P2RY10: variants seen among roughly 807,000 people sequenced by gnomAD.
The protein encoded by P2RY10 is putative P2Y purinoceptor 10.
A neutral mutation model predicts 12.1 loss-of-function variants in P2RY10; 4 were observed. That is an observed-to-expected ratio of 0.33 (90% CI 0.16 to 0.76). The LOEUF (loss-of-function observed/expected upper bound fraction) is 0.76, where lower values mean the gene tolerates loss of function less well. Among genes scored for constraint, P2RY10 ranks in the 30% least tolerant of loss-of-function variants. The pLI, the probability that P2RY10 is intolerant of heterozygous loss-of-function variation, is 0.61. For synonymous variants in P2RY10, 112 were observed against 94.1 expected, an observed-to-expected ratio of 1.19 and a Z score of -1.10; for missense variants, 233 against 264.6, an observed-to-expected ratio of 0.88 and a Z score of 0.83.
intron 2 of P2RY10, 32 bp downstream of exon 2, chrX:78,947,895 A>C: frequency 1.8e-6 from 1 of 547,355 alleles, no homozygotes; most frequent in Non-Finnish European, 2.2e-6. Flanking sequence ...AAAATGAGAA[A>C]ATGCAAGACA....
chrX:78,957,246 G>A (rs1922374333), intron 3 of P2RY10, among the ~76,000 whole-genome samples: 1 of 108,815 alleles, frequency 9.2e-6, no homozygotes, highest in African/African-American at 3.4e-5. Context: ...TATGAGACAG[G>A]AACCAAGAAT....
At chrX:78,945,812 T>TAA (rs1921806352) in intron 1 of P2RY10, among the ~76,000 whole-genome samples, 2 of 111,973 alleles carry the variant, frequency 1.8e-5, no homozygotes, top group Non-Finnish European at 3.8e-5. Context: ...AAGAGTATAT[T>TAA]CAGTGAGACT....
chrX:78,960,422 C>T, intron 3 of P2RY10, 86 bp from the exon 4 acceptor site: 1 of 671,672 alleles, frequency 1.5e-6, no homozygotes, highest in Middle Eastern at 3.7e-4. Context: ...ATAGTCTGTG[C>T]CTCTGTAAGT....
intron 2 of P2RY10, among the ~76,000 whole-genome samples, chrX:78,950,738 A>G (rs1360444905): frequency 2.7e-5 from 3 of 112,003 alleles, no homozygotes; most frequent in East Asian, 5.6e-4. Flanking sequence ...TCTGAGGAAC[A>G]GTCTTATCCA....
chrX:78,953,736 A>G (rs1482777246), intron 3 of P2RY10, among the ~76,000 whole-genome samples: 2 of 112,278 alleles, frequency 1.8e-5, no homozygotes, highest in East Asian at 5.6e-4. Flanking sequence ...CCTCAGTCAC[A>G]GGCAAACCTC....
intron 3 of P2RY10, among the ~76,000 whole-genome samples, chrX:78,953,932 T>C (rs1465205218): frequency 8.9e-6 from 1 of 112,053 alleles, no homozygotes; most frequent in Non-Finnish European, 1.9e-5. Context: ...TGGTGCAATC[T>C]CAACTCACTG....
In P2RY10 at chrX:78,957,584, C is replaced by T. The variant is rs981012046; in HGVS notation, c.-13-2924C>T. ...CCCTCTAAGAGAGTCTATGTTTCTG[C>T]TCAACCCCAAATAAATACCTTCTGC... is the stretch of plus-strand genomic sequence containing the variant. On this transcript the variant is annotated intron_variant, in intron 3 of 3. Transcript: ENST00000171757. 2.7e-5 allele frequency among the ~76,000 whole-genome samples: 3 copies of T among 111,071 alleles called. No individual in the cohort carries two copies. In the Admixed American group the frequency reaches 2.9e-4, roughly 11 times the overall value.
Position 78,962,151 on chromosome X carries a change from A to G in P2RY10, c.*611A>G, listed in dbSNP as rs1405116727. ...TTGTTAGGTACTTTCTTTTTTTTTC[A>G]TAAGTTATTGGGGTACAGGTGGTAT... On this transcript the variant is annotated 3_prime_UTR_variant, in exon 4 of 4. Transcript: ENST00000171757. Among the ~76,000 whole-genome samples, 3 of 110,390 alleles carry G rather than the reference A, an allele frequency of 2.7e-5. No homozygotes were observed. The highest frequency in any genetic ancestry group is 3.8e-5 in the Non-Finnish European group (2 of 52,799).
Position 78,963,182 on chromosome X carries a change from G to A in P2RY10, c.*1642G>A, listed in dbSNP as rs1922719114. Among the ~76,000 whole-genome samples, 1 of 111,783 alleles carries A rather than the reference G, an allele frequency of 8.9e-6. No homozygotes were observed. The highest frequency in any genetic ancestry group is 1.9e-5 in the Non-Finnish European group (1 of 53,148). On this transcript the variant is annotated 3_prime_UTR_variant, in exon 4 of 4. Coordinates refer to ENST00000171757, the MANE Select transcript of P2RY10 (RefSeq NM_014499.4). ...GCATAGACATTTGGTGTGAAGGGAG[G>A]AGAAAGGAAGTAGTAGTTCTGAGAA...
intron 3 of P2RY10, among the ~76,000 whole-genome samples, chrX:78,954,196 C>A (rs1922234093): frequency 9.0e-6 from 1 of 111,527 alleles, no homozygotes; most frequent in East Asian, 2.8e-4. Flanking sequence ...TTCTAAAACA[C>A]AAGTATGATG....
chrX:78,948,177 T>C (rs899009316), intron 2 of P2RY10, among the ~76,000 whole-genome samples: 1 of 112,382 alleles, frequency 8.9e-6, no homozygotes, highest in Non-Finnish European at 1.9e-5. Flanking sequence ...ATAATGACAT[T>C]TTTTATTTTG....
At chrX:78,953,817 C>T (rs369954739) in intron 3 of P2RY10, among the ~76,000 whole-genome samples, 25 of 112,027 alleles carry the variant, frequency 2.2e-4, no homozygotes, top group African/African-American at 7.1e-4. Flanking sequence ...AATTCATCTT[C>T]CACATGGTTG....
chrX:78,948,044 G>A (rs916742816), intron 2 of P2RY10, among the ~76,000 whole-genome samples, 181 bp downstream of exon 2: 3 of 111,557 alleles, frequency 2.7e-5, no homozygotes, highest in Non-Finnish European at 5.7e-5. Context: ...GCCTTCCTAG[G>A]GACCAGACCC....
intron 3 of P2RY10, among the ~76,000 whole-genome samples, chrX:78,960,003 G>A (rs1922527904): frequency 9.0e-6 from 1 of 111,030 alleles, no homozygotes; most frequent in African/African-American, 3.3e-5. Context: ...GCTTAAGGAG[G>A]CAGGACAATT....
intron 3 of P2RY10, among the ~76,000 whole-genome samples, chrX:78,958,053 A>G (rs776689252): frequency 2.7e-5 from 3 of 112,527 alleles, no homozygotes; most frequent in Non-Finnish European, 5.6e-5. Flanking sequence ...GTGTGTGGAC[A>G]ATAGTTGATA....
At chrX:78,959,252 C>T (rs1395457007) in intron 3 of P2RY10, among the ~76,000 whole-genome samples, 3 of 111,232 alleles carry the variant, frequency 2.7e-5, no homozygotes, top group East Asian at 2.8e-4. Context: ...CCTCCCATTT[C>T]GAGTCTCAGA....
At position 78,962,180 on chromosome X, in the gene P2RY10, G is replaced by T. The variant is rs997995071; in HGVS notation, c.*640G>T. On this transcript the variant is annotated 3_prime_UTR_variant, in exon 4 of 4. Transcript: ENST00000171757. ...GTTATTGGGGTACAGGTGGTATTTG[G>T]TTACATGAGTAAGTTCTTTAGTGGT... is the stretch of plus-strand genomic sequence containing the variant. Among the ~76,000 whole-genome samples the T allele has an allele frequency of 9.0e-6, 1 of 110,708 alleles. No individual in the cohort carries two copies.
chrX:78,950,881 C>T (rs1359160416), intron 2 of P2RY10, among the ~76,000 whole-genome samples: 1 of 112,131 alleles, frequency 8.9e-6, no homozygotes, highest in African/African-American at 3.2e-5. Flanking sequence ...AAGTCACTTA[C>T]TCCTGCTGAG....
At chrX:78,949,357 A>C (rs1921999487) in intron 2 of P2RY10, among the ~76,000 whole-genome samples, 1 of 112,067 alleles carries the variant, frequency 8.9e-6, no homozygotes, top group Admixed American at 9.5e-5. Context: ...TACTCGGATT[A>C]TTATTTTCAG....
Sources: gnomAD v4.1 joint callset for allele counts (sites outside exome capture counted in the v4.1 genomes callset) on GRCh38, gnomAD v4.1.1 for gene constraint, MANE v1.5 for transcripts, NCBI Gene and HGNC (gene_info 2026-07-23, HGNC 2026-07-21) for gene names.